Variants in MTTP observed in about 807,000 individuals in gnomAD.
The protein encoded by MTTP is microsomal triglyceride transfer protein, also known as microsomal triglyceride transfer protein large subunit.
Under a neutral mutation model 90.6 loss-of-function variants are expected in MTTP, and 49 were observed. The ratio of observed to expected loss-of-function variants is 0.54; its 90% CI spans 0.43 to 0.69. MTTP has a LOEUF of 0.69. Among genes scored for constraint, MTTP ranks in the 30% least tolerant of loss-of-function variants. The probability of loss-of-function intolerance (pLI) is 0.00; values close to 1 mark genes in which losing one functional copy is unlikely to be tolerated. For missense variants in MTTP, 945 were observed against 1,067.5 expected (o/e 0.89, Z 1.60); for synonymous variants, 347 against 384.2 (o/e 0.90, Z 1.13).
intron 1 of MTTP, among the ~76,000 whole-genome samples, chr4:99,568,632 T>G (rs192861020): frequency 3.4e-4 from 52 of 152,226 alleles, no homozygotes; most frequent in South Asian, 1.4e-3. Flanking sequence ...AAATGAGTGA[T>G]TCTAAGATTG....
chr4:99,617,548 A>G (rs1726127619), intron 15 of MTTP, among the ~76,000 whole-genome samples: 1 of 152,190 alleles, frequency 6.6e-6, no homozygotes, highest in Non-Finnish European at 1.5e-5. Flanking sequence ...TAAAGAAGTT[A>G]GTCATCCTGC....
chr4:99,618,919 T>C, intron 15 of MTTP, 55 bp from the exon 16 acceptor site: 5 of 1,592,424 alleles, frequency 3.1e-6, no homozygotes, highest in Non-Finnish European at 4.3e-6. Flanking sequence ...GGAAAGGGGG[T>C]TAACTAAATT....
At chr4:99,601,578 A>G in intron 9 of MTTP, 29 bp from the exon 10 acceptor site, 1 of 1,427,570 alleles carries the variant, frequency 7.0e-7, no homozygotes, top group Non-Finnish European at 9.9e-7. Flanking sequence ...ATGTCTTGGT[A>G]ACCTATTTTA....
At chr4:99,587,978 C>T (rs1725297029) in intron 3 of MTTP, among the ~76,000 whole-genome samples, 1 of 152,126 alleles carries the variant, frequency 6.6e-6, no homozygotes, top group African/African-American at 2.4e-5. Flanking sequence ...CAGTTCCTTT[C>T]TAAGTCGGAC....
chr4:99,588,336 T>A (rs930760613), intron 3 of MTTP, among the ~76,000 whole-genome samples: 1 of 152,106 alleles, frequency 6.6e-6, no homozygotes, highest in Non-Finnish European at 1.5e-5. Flanking sequence ...ACCTTGGGAA[T>A]TTTTACAGGG....
chr4:99,608,934 C>T lies in MTTP; in HGVS notation c.1726C>T (p.Leu576Phe). The change falls in exon 12 of 18, where the codon CTC becomes TTC. Residue 576 changes from leucine to phenylalanine, a missense_variant. Coordinates refer to ENST00000265517, the MANE Select transcript of MTTP (RefSeq NM_001386140.1). The stretch of plus-strand genomic sequence containing the variant: ...TCCCCAAGAAATGAATAAATACATG[C>T]TCGCCATTGTTCAAGACATCCTACG... ...ELPQEMNKYMLAIVQDILRFE... is the reference protein window; with the variant it reads ...ELPQEMNKYMFAIVQDILRFE... 1 of 1,614,114 alleles carries T rather than the reference C, an allele frequency of 6.2e-7. No homozygotes were observed. Among genetic ancestry groups the T allele is most frequent in the South Asian group, 1.1e-5 (1 of 91,072 alleles).
At chr4:99,591,524 T>G in intron 5 of MTTP, 127 bp from the exon 6 acceptor site, 1 of 1,141,934 alleles carries the variant, frequency 8.8e-7, no homozygotes, top group East Asian at 2.5e-5. Context: ...TTGTTGTAGG[T>G]GTTAGTAATG....
chr4:99,564,266 G>C, intron 1 of MTTP: 1 of 1,527,522 alleles, frequency 6.5e-7, no homozygotes, highest in Non-Finnish European at 8.8e-7. Flanking sequence ...AATTAAGATA[G>C]TCCCACTGTT....
At position 99,594,846 on chromosome 4, in the gene MTTP, G is replaced by C. The variant is rs1159440933; in HGVS notation, c.872G>C (p.Gly291Ala). The C allele has an allele frequency of 1.2e-6, 2 of 1,613,878 alleles. No individual in the cohort carries two copies. Among genetic ancestry groups the C allele is most frequent in the East Asian group, 4.5e-5 (2 of 44,882 alleles). ...AAGTACACGGCCATTCCCATTGTGG[G>C]GCAGGTCTTCCAGAGCCACTGTAAA... ...DSKYTAIPIVGQVFQSHCKGC... is the reference protein window; with the variant it reads ...DSKYTAIPIVAQVFQSHCKGC... Residue 291 changes from glycine to alanine, a missense_variant, in exon 7 of 18, where the codon GGG (glycine) becomes GCG (alanine). Coordinates refer to ENST00000265517, the MANE Select transcript of MTTP (RefSeq NM_001386140.1).
Position 99,575,048 on chromosome 4 carries a change from TTGTG to T in MTTP, c.61+81_61+84del, listed in dbSNP as rs371084622. On this transcript the variant is annotated intron_variant, in intron 1 of 17. Transcript: ENST00000265517. ...GGCAGATACGTGCGTGTGTGTGTGT[TTGTG>T]TGAGTGAATAGTGAAAGAGTTTCTG... 57 of 1,444,848 alleles carry T rather than the reference TTGTG, an allele frequency of 3.9e-5. 1 individual carries two copies. The highest frequency in any genetic ancestry group is 3.2e-4 in the African/African-American group (23 of 71,346). The allele number at this position is 1,444,848 out of a possible 1,614,324, so 89.5% of individuals were successfully genotyped here. A position where few individuals can be genotyped will look rare whatever the true frequency, so the allele number is the denominator to read the frequency against.
chr4:99,568,131 A>G (rs1724748770), intron 1 of MTTP, among the ~76,000 whole-genome samples: 1 of 152,112 alleles, frequency 6.6e-6, no homozygotes, highest in East Asian at 1.9e-4. Context: ...GAAATATAGA[A>G]AGCACACACA....
intron 1 of MTTP, 121 bp downstream of exon 1, chr4:99,575,091 C>A: frequency 8.7e-7 from 1 of 1,149,236 alleles, no homozygotes; most frequent in Non-Finnish European, 1.3e-6. Flanking sequence ...AAACTATCTT[C>A]AAAACCATGT....
chr4:99,579,535 T>C (rs1374689594), intron 1 of MTTP, among the ~76,000 whole-genome samples: 3 of 152,162 alleles, frequency 2.0e-5, no homozygotes, highest in Non-Finnish European at 4.4e-5. Flanking sequence ...TTGTCCAAAA[T>C]GTCACCTTTC....
At chr4:99,580,341 G>C (rs999216449) in intron 1 of MTTP, among the ~76,000 whole-genome samples, 2 of 151,366 alleles carry the variant, frequency 1.3e-5, no homozygotes, top group Admixed American at 1.3e-4. Context: ...TTGGGAGGCC[G>C]AGGTGGGTGG....
At chr4:99,620,994 C>T in intron 16 of MTTP, 67 bp from the exon 17 acceptor site, 1 of 1,455,134 alleles carries the variant, frequency 6.9e-7, no homozygotes, top group East Asian at 2.3e-5. Context: ...TGTAAAGTTA[C>T]AGCTGTTAGT....
Position 99,574,848 on chromosome 4 carries a change from AG to A in MTTP, c.-61del, listed in dbSNP as rs772401276. ...CACTCCCTCACTGGCTGCCATTGAA[AG>A]AGTCCACTTCTCAGTGACTCCTAGC... On this transcript the variant is annotated 5_prime_UTR_variant, in exon 1 of 18. Coordinates refer to ENST00000265517, the MANE Select transcript of MTTP (RefSeq NM_001386140.1). The A allele has an allele frequency of 1.1e-5, 18 of 1,614,042 alleles. No homozygotes were observed. The highest frequency in any genetic ancestry group is 5.0e-5 in the Admixed American group (3 of 60,020).
At chr4:99,580,671 C>G (rs1725087169) in intron 1 of MTTP, among the ~76,000 whole-genome samples, 1 of 150,326 alleles carries the variant, frequency 6.7e-6, no homozygotes, top group South Asian at 2.1e-4. Flanking sequence ...TCCCCTCAGT[C>G]TCTTCATCTA....
chr4:99,615,012 C>T (rs1407601484), intron 15 of MTTP, among the ~76,000 whole-genome samples: 2 of 152,150 alleles, frequency 1.3e-5, no homozygotes, highest in East Asian at 3.9e-4. Flanking sequence ...ATGAAAGAAT[C>T]GTCTAAAGGC....
intron 1 of MTTP, among the ~76,000 whole-genome samples, chr4:99,567,399 CTG>C (rs1379090046): frequency 1.3e-5 from 2 of 152,128 alleles, no homozygotes; most frequent in African/African-American, 4.8e-5. Context: ...ATATCAGCAA[CTG>C]TGTAGGAGGG....
Sources: allele counts gnomAD v4.1 joint callset (sites outside exome capture counted in the v4.1 genomes callset), GRCh38; gene constraint gnomAD v4.1.1; transcripts MANE v1.5; gene names NCBI Gene and HGNC (gene_info 2026-07-23, HGNC 2026-07-21).